FHIT: variants seen among roughly 807,000 people sequenced by gnomAD.
FHIT encodes the protein fragile histidine triad diadenosine triphosphatase.
A neutral mutation model predicts 17.9 loss-of-function variants in FHIT; 19 were observed. The ratio of observed to expected loss-of-function variants is 1.06; its 90% CI spans 0.74 to 1.56. FHIT has a LOEUF of 1.56. Ranked by LOEUF, FHIT falls within the 40% of genes most tolerant of loss-of-function variation. The pLI is 0.00. For synonymous variants in FHIT, 81 were observed against 69.7 expected, an observed-to-expected ratio of 1.16 and a Z score of -0.81; for missense variants, 248 against 189.2, an observed-to-expected ratio of 1.31 and a Z score of -1.82.
At chr3:60,400,568 C>G (rs760919078) in intron 5 of FHIT, among the ~76,000 whole-genome samples, 1 of 152,090 alleles carries the variant, frequency 6.6e-6, no homozygotes, top group Non-Finnish European at 1.5e-5. Context: ...ATCTGCTGGT[C>G]ACCAAGGGGA....
intron 2 of FHIT, among the ~76,000 whole-genome samples, chr3:61,112,793 G>A (rs2036197169): frequency 6.6e-6 from 1 of 152,150 alleles, no homozygotes; most frequent in African/African-American, 2.4e-5. Context: ...AGAGAATGAA[G>A]ATCCCCACAC....
chr3:60,572,625 C>G (rs1553656110), intron 4 of FHIT, among the ~76,000 whole-genome samples: 1 of 152,074 alleles, frequency 6.6e-6, no homozygotes, highest in African/African-American at 2.4e-5. Context: ...GCAAACCACA[C>G]CCTGTGGTTT....
chr3:60,927,699 C>T (rs1553770399), intron 3 of FHIT, among the ~76,000 whole-genome samples: 4 of 151,276 alleles, frequency 2.6e-5, no homozygotes, highest in East Asian at 2.0e-4. Flanking sequence ...GGGGAGCACC[C>T]CCGCCCGGCA....
chr3:59,760,144 T>G (rs1319007387), intron 8 of FHIT, among the ~76,000 whole-genome samples: 2 of 152,196 alleles, frequency 1.3e-5, no homozygotes, highest in Non-Finnish European at 2.9e-5. Context: ...TAAGCATAAC[T>G]TACTTGAGTA....
intron 4 of FHIT, among the ~76,000 whole-genome samples, chr3:60,692,152 C>T (rs575540061): frequency 6.6e-6 from 1 of 152,300 alleles, no homozygotes; most frequent in African/African-American, 2.4e-5. Flanking sequence ...TCTTGTATCA[C>T]TACCTGCATC....
chr3:60,459,096 G>C (rs961143967), intron 5 of FHIT, among the ~76,000 whole-genome samples: 1 of 152,032 alleles, frequency 6.6e-6, no homozygotes, highest in Non-Finnish European at 1.5e-5. Context: ...TTTATCGTTG[G>C]TGGAAAGAAA....
intron 3 of FHIT, among the ~76,000 whole-genome samples, chr3:60,889,677 T>G (rs1461286706): frequency 6.6e-6 from 1 of 152,104 alleles, no homozygotes; most frequent in African/African-American, 2.4e-5. Context: ...GCTGTATGGG[T>G]GGTTCATTTT....
chr3:60,028,843 G>A (rs545104421), intron 5 of FHIT, among the ~76,000 whole-genome samples: 16 of 152,206 alleles, frequency 1.1e-4, no homozygotes, highest in South Asian at 6.2e-4. Context: ...CAGAGGAAGT[G>A]ACATCAAAAA....
intron 5 of FHIT, among the ~76,000 whole-genome samples, chr3:60,156,472 G>C (rs1700699542): frequency 6.6e-6 from 1 of 152,034 alleles, no homozygotes; most frequent in South Asian, 2.1e-4. Context: ...AAAATGACTG[G>C]GTGCAGCGGT....
intron 3 of FHIT, among the ~76,000 whole-genome samples, chr3:60,955,750 T>A (rs558827309): frequency 2.4e-4 from 36 of 151,884 alleles, no homozygotes; most frequent in South Asian, 1.9e-3. Flanking sequence ...TAATGGTTAC[T>A]GTTGGAAACA....
In FHIT at chr3:60,077,717, C is replaced by CATAT. The variant is rs1166434888; in HGVS notation, c.104-63566_104-63565insATAT. On this transcript the variant is annotated intron_variant, in intron 5 of 9. Coordinates refer to ENST00000492590, the MANE Select transcript of FHIT (RefSeq NM_002012.4). ...ACACACACACACACACACACACACA[C>CATAT]ACACACACACACATATATAGAGGGG... 2.7e-4 allele frequency among the ~76,000 whole-genome samples: 28 copies of CATAT among 103,998 alleles called. No homozygotes were observed. The South Asian group carries it at 2.8e-3, about 10-fold the overall frequency. 68.2% of individuals were successfully genotyped at this position (103,998 alleles called of 152,430 possible).
At chr3:61,125,916 A>C (rs553476449) in intron 2 of FHIT, among the ~76,000 whole-genome samples, 1 of 152,210 alleles carries the variant, frequency 6.6e-6, no homozygotes, top group African/African-American at 2.4e-5. Context: ...TCTCCAGTCC[A>C]TATACACTGT....
intron 5 of FHIT, among the ~76,000 whole-genome samples, chr3:60,202,632 G>A (rs867380849): frequency 3.9e-5 from 6 of 152,246 alleles, no homozygotes; most frequent in African/African-American, 1.4e-4. Context: ...TGTCACTGTA[G>A]TCAGGAGAAC....
intron 8 of FHIT, among the ~76,000 whole-genome samples, chr3:59,863,749 A>G (rs1406011441): frequency 6.6e-6 from 1 of 152,206 alleles, no homozygotes; most frequent in Non-Finnish European, 1.5e-5. Flanking sequence ...AAGGATAAAA[A>G]AAGGTGCTCC....
intron 5 of FHIT, among the ~76,000 whole-genome samples, chr3:60,239,501 G>A (rs903191332): frequency 7.9e-5 from 12 of 152,138 alleles, no homozygotes; most frequent in African/African-American, 2.9e-4. Flanking sequence ...GGAGCTCAAG[G>A]CTGCAGTGAA....
intron 5 of FHIT, among the ~76,000 whole-genome samples, chr3:60,375,408 TAAA>T (rs144193166): frequency 3.3e-4 from 47 of 142,892 alleles, no homozygotes; most frequent in Admixed American, 8.4e-4. Flanking sequence ...ATCTCTACTT[TAAA>T]AAAAAAAAAA....
At chr3:60,815,165 G>C (rs570121307) in intron 4 of FHIT, among the ~76,000 whole-genome samples, 1 of 151,982 alleles carries the variant, frequency 6.6e-6, no homozygotes, top group African/African-American at 2.4e-5. Context: ...TGTGTAATTT[G>C]TGAATATTTT....
At chr3:61,074,118 C>T (rs1467384782) in intron 2 of FHIT, among the ~76,000 whole-genome samples, 2 of 152,098 alleles carry the variant, frequency 1.3e-5, no homozygotes, top group Admixed American at 1.3e-4. Flanking sequence ...ATAAGCAGCA[C>T]ATGCCAAATG....
chr3:60,981,886 G>A (rs1201311700), intron 3 of FHIT, among the ~76,000 whole-genome samples: 2 of 152,092 alleles, frequency 1.3e-5, no homozygotes, highest in African/African-American at 4.8e-5. Flanking sequence ...GAAAGCCATT[G>A]TGCTCAGCCC....
Sources: allele counts gnomAD v4.1 joint callset (sites outside exome capture counted in the v4.1 genomes callset), GRCh38; gene constraint gnomAD v4.1.1; transcripts MANE v1.5; gene names NCBI Gene and HGNC (gene_info 2026-07-23, HGNC 2026-07-21).